The following SERPINB12 variants were observed in gnomAD, a reference collection of about 807,000 sequenced individuals.
SERPINB12 encodes the protein serpin family B member 12, also known as serpin B12.
In SERPINB12, 57 loss-of-function variants were observed where a neutral mutation model predicts 41.1. The observed-to-expected ratio is 1.39, with a 90% CI of 1.12 to 1.73. SERPINB12 has a LOEUF of 1.73. Ranked by LOEUF, SERPINB12 falls within the 40% of genes most tolerant of loss-of-function variation. SERPINB12 has a pLI of 0.00. For synonymous variants in SERPINB12, 180 were observed against 181.3 expected, an observed-to-expected ratio of 0.99 and a Z score of 0.06; for missense variants, 536 against 501.9, an observed-to-expected ratio of 1.07 and a Z score of -0.65.
rs567183017 is a variant in SERPINB12, at chr18:63,558,351, G to C, written c.169-1G>C. ...AAAGACCCCATCCCGTTATCATGCA[G>C]GTACTACACTTCAACGAATTTTCCC... On this transcript the variant is annotated splice_acceptor_variant, in intron 2 of 7. Transcript: ENST00000382768. LOFTEE classifies it high-confidence loss of function. 1 of 1,612,514 alleles carries C rather than the reference G, an allele frequency of 6.2e-7. No individual in the cohort carries two copies. Among genetic ancestry groups the C allele is most frequent in the Non-Finnish European group, 8.5e-7 (1 of 1,179,504 alleles).
intron 1 of SERPINB12, among the ~76,000 whole-genome samples, chr18:63,546,925 T>C (rs1439288744): frequency 6.6e-6 from 1 of 152,156 alleles, no homozygotes; most frequent in Non-Finnish European, 1.5e-5. Context: ...GACCAGCTGT[T>C]AGCAGCAACT....
the SERPINB12 span, among the ~76,000 whole-genome samples, chr18:63,531,088 G>C: frequency 2.3e-4 from 35 of 152,314 alleles, 1 homozygote; most frequent in East Asian, 6.7e-3. Flanking sequence ...AGCCTGAAGA[G>C]TGTAGCCTGC....
At chr18:63,552,117 G>C (rs1022059189) in intron 1 of SERPINB12, among the ~76,000 whole-genome samples, 1 of 152,166 alleles carries the variant, frequency 6.6e-6, no homozygotes, top group East Asian at 1.9e-4. Context: ...TAATCAAGAC[G>C]AGTGTGGGTT....
At chr18:63,559,540 A>G in intron 3 of SERPINB12, 38 bp from the exon 4 acceptor site, 1 of 1,610,174 alleles carries the variant, frequency 6.2e-7, no homozygotes, top group African/African-American at 1.3e-5. Flanking sequence ...CTTCTGATAG[A>G]CACAGTGAAG....
At chr18:63,542,135 C>G (rs1048962172), upstream of SERPINB12, among the ~76,000 whole-genome samples, 2 of 152,150 alleles carry the variant, frequency 1.3e-5, no homozygotes, top group African/African-American at 2.4e-5. Flanking sequence ...TATGACACTT[C>G]CTCTTTACTA....
the SERPINB12 span, among the ~76,000 whole-genome samples, chr18:63,519,158 T>A: frequency 2.6e-5 from 4 of 152,256 alleles, no homozygotes; most frequent in Admixed American, 2.0e-4. Flanking sequence ...CAAAAGCACT[T>A]CTACCCGTAT....
At position 63,561,108 on chromosome 18, in the gene SERPINB12, A is replaced by G. The variant is rs1910890209; in HGVS notation, c.468A>G (p.Gln156=). 2 of 1,611,604 alleles carry G rather than the reference A, an allele frequency of 1.2e-6. No homozygotes were observed. Among genetic ancestry groups the G allele is most frequent in the Non-Finnish European group, 8.5e-7 (1 of 1,177,932 alleles). The part of the protein sequence containing the change: ...ICQEYLDGVI[Q]FYHTTIESVD... ...AGGAATACTTAGATGGTGTGATTCA[A>G]TTTTACCACACGACGATTGAAAGTG... Residue 156 remains glutamine, a synonymous_variant, in exon 5 of 8, where the codon CAA becomes CAG. Transcript: ENST00000382768.
At chr18:63,523,809 T>A in the SERPINB12 span, among the ~76,000 whole-genome samples, 1 of 152,042 alleles carries the variant, frequency 6.6e-6, no homozygotes, top group Admixed American at 6.6e-5. Context: ...AGAATTACCA[T>A]CCCAGCCAAG....
At chr18:63,554,767 G>C (rs185293227) in intron 1 of SERPINB12, among the ~76,000 whole-genome samples, 21 of 152,304 alleles carry the variant, frequency 1.4e-4, no homozygotes, top group African/African-American at 5.1e-4. Flanking sequence ...TGAACCTGGT[G>C]ATATGGTTTG....
At chr18:63,530,362 T>A in the SERPINB12 span, among the ~76,000 whole-genome samples, 13 of 152,212 alleles carry the variant, frequency 8.5e-5, no homozygotes, top group South Asian at 6.2e-4. Flanking sequence ...CTGATGTTTG[T>A]TAATGTATAC....
At position 63,558,474 on chromosome 18, in the gene SERPINB12, T is replaced by C. The variant is rs1306581586; in HGVS notation, c.291T>C (p.Pro97=). 2 of 1,611,256 alleles carry C rather than the reference T, an allele frequency of 1.2e-6. No individual in the cohort carries two copies. Among genetic ancestry groups the C allele is most frequent in the Non-Finnish European group, 1.7e-6 (2 of 1,179,216 alleles). The change falls in exon 3 of 8, where the codon CCT becomes CCC. Residue 97 remains proline (P), a synonymous_variant. Transcript: ENST00000382768. ...AGGGGCAGAAAAAAACGACAGAGCCTCTGGATCAGCAGGTGAACCGCCACC... is the reference window on the plus strand; with the variant it reads ...AGGGGCAGAAAAAAACGACAGAGCCCCTGGATCAGCAGGTGAACCGCCACC... The part of the protein sequence containing the change: ...SLEGQKKTTE[P]LDQQAGSLNN...
intron 7 of SERPINB12, 125 bp from the exon 8 acceptor site, chr18:63,566,482 A>T: frequency 1.3e-6 from 1 of 792,300 alleles, no homozygotes; most frequent in Non-Finnish European, 2.0e-6. Context: ...ACTATTCTCT[A>T]GCTTAGGGAA....
the SERPINB12 span, among the ~76,000 whole-genome samples, chr18:63,528,339 G>T: frequency 1.3e-5 from 2 of 151,960 alleles, no homozygotes; most frequent in Non-Finnish European, 1.5e-5. Flanking sequence ...TCACAGAAAG[G>T]TTGGCATGCC....
In SERPINB12 at chr18:63,567,045, G is replaced by A. The variant is rs754469902; in HGVS notation, c.*34G>A. 2.0e-6 allele frequency: 3 copies of A among 1,516,630 alleles called. No homozygotes were observed. In the East Asian group the frequency reaches 6.9e-5, roughly 35 times the overall value. 93.9% of individuals were successfully genotyped at this position (1,516,630 alleles called of 1,614,324 possible). A position where few individuals can be genotyped will look rare whatever the true frequency, so the allele number is the denominator to read the frequency against. On this transcript the variant is annotated 3_prime_UTR_variant, in exon 8 of 8. Transcript: ENST00000382768. ...CAGTGTCTAGTACTTTGGAGCTGGA[G>A]GAAAATATCAATACAATCTTCCCCT...
At chr18:63,559,003 C>CTTTCTTTCTTTCTCTCTCTCT (rs1491386715) in intron 3 of SERPINB12, among the ~76,000 whole-genome samples, 2 of 78,536 alleles carry the variant, frequency 2.5e-5, no homozygotes, top group African/African-American at 1.0e-4. Context: ...TCTTTCCTTC[C>CTTTCTTTCTTTCTCTCTCTCT]TTCTTTCTTT....
chr18:63,541,632 G>T (rs927554144), upstream of SERPINB12, among the ~76,000 whole-genome samples: 2 of 152,134 alleles, frequency 1.3e-5, no homozygotes, highest in African/African-American at 2.4e-5. Flanking sequence ...AGTGAGTTTT[G>T]CAGGTGAATG....
At chr18:63,558,003 A>T (rs1910734687) in intron 2 of SERPINB12, among the ~76,000 whole-genome samples, 1 of 152,074 alleles carries the variant, frequency 6.6e-6, no homozygotes, top group Non-Finnish European at 1.5e-5. Flanking sequence ...TTATTTATTT[A>T]TTTTTTTATA....
the SERPINB12 span, among the ~76,000 whole-genome samples, chr18:63,522,832 A>AT: frequency 5.2e-3 from 783 of 150,386 alleles, 3 homozygotes; most frequent in South Asian, 0.017. Context: ...TTGATAAGAA[A>AT]TTTTTTTTTT....
intron 1 of SERPINB12, among the ~76,000 whole-genome samples, chr18:63,550,808 T>C (rs1910505903): frequency 1.3e-5 from 2 of 152,174 alleles, no homozygotes; most frequent in Admixed American, 6.5e-5. Context: ...TTGTGAATCA[T>C]GGATTTTTGT....
Sources: gnomAD v4.1 joint callset for allele counts (sites outside exome capture counted in the v4.1 genomes callset) on GRCh38, gnomAD v4.1.1 for gene constraint, MANE v1.5 for transcripts, NCBI Gene and HGNC (gene_info 2026-07-23, HGNC 2026-07-21) for gene names.